Variants in G3BP1 observed in about 807,000 individuals in gnomAD.
G3BP1 encodes the protein G3BP stress granule assembly factor 1.
In G3BP1, 35 loss-of-function variants were observed where a neutral mutation model predicts 58.6. The ratio of observed to expected loss-of-function variants is 0.60; its 90% CI spans 0.46 to 0.79. G3BP1 has a LOEUF of 0.79. G3BP1 is among the 30% of genes least tolerant of loss of function. The probability of loss-of-function intolerance (pLI) is 0.00; values close to 1 mark genes in which losing one functional copy is unlikely to be tolerated. For missense variants in G3BP1, 523 were observed against 580.8 expected (o/e 0.90, Z 1.02); for synonymous variants, 191 against 195.4 (o/e 0.98, Z 0.19).
intron 5 of G3BP1, 61 bp downstream of exon 5, chr5:151,794,310 C>A (rs527971481): frequency 1.4e-4 from 122 of 855,388 alleles, no homozygotes; most frequent in Non-Finnish European, 2.4e-4. Flanking sequence ...TCCGATTGCC[C>A]TTAAGAGACT....
Position 151,805,083 on chromosome 5 carries a change from C to T in G3BP1, c.*992C>T, listed in dbSNP as rs1036686855. The T allele has an allele frequency of 1.6e-4, 25 of 152,568 alleles. No homozygotes were observed. The highest frequency in any genetic ancestry group is 4.3e-4 in the African/African-American group (18 of 41,432). The allele number at this position is 152,568 out of a possible 1,614,324, so 9.5% of individuals were successfully genotyped here. On this transcript the variant is annotated 3_prime_UTR_variant, in exon 12 of 12. Transcript: ENST00000356245. ...ACTGGAATGCCTTTGAAGACAGATG[C>T]TTCTATAGAGGTTCTTTGACCTAAA...
At position 151,810,301 on chromosome 5, in the gene G3BP1, C is replaced by T. The variant is rs1176359694; in HGVS notation, c.*6210C>T. 1.3e-5 allele frequency: 2 copies of T among 152,226 alleles called. No homozygotes were observed. Among genetic ancestry groups the T allele is most frequent in the Non-Finnish European group, 2.9e-5 (2 of 68,056 alleles). The allele number at this position is 152,226 out of a possible 1,614,324, so 9.4% of individuals were successfully genotyped here. A position where few individuals can be genotyped will look rare whatever the true frequency, so the allele number is the denominator to read the frequency against. On this transcript the variant is annotated 3_prime_UTR_variant, in exon 12 of 12. Coordinates refer to ENST00000356245, the MANE Select transcript of G3BP1 (RefSeq NM_005754.3). ...GAAGGTCCACTGAGATCTACAATCC[C>T]CCCTTTCCTCTGATCTCTTGCCATG...
At chr5:151,781,552 G>A (rs1762471275) in intron 1 of G3BP1, among the ~76,000 whole-genome samples, 1 of 152,158 alleles carries the variant, frequency 6.6e-6, no homozygotes, top group Non-Finnish European at 1.5e-5. Context: ...GGACCCATAC[G>A]AAATATCACT....
chr5:151,799,301 A>G lies in G3BP1; in HGVS notation c.831A>G (p.Val277=). The G allele has an allele frequency of 1.9e-6, 3 of 1,541,492 alleles. No homozygotes were observed. The highest frequency in any genetic ancestry group is 1.8e-6 in the Non-Finnish European group (2 of 1,113,900). ...GGATACCACCTCATGTTGTTAAAGT[A>G]CCAGCTTCACAGGTAAGGTCCTAAT... is the stretch of plus-strand genomic sequence containing the variant. ...VTGIPPHVVK[V]PASQPRPESK... Residue 277 remains valine, a synonymous_variant, in exon 8 of 12, where the codon GTA becomes GTG. Transcript: ENST00000356245.
chr5:151,774,725 A>G (rs1263269522), intron 1 of G3BP1, among the ~76,000 whole-genome samples: 3 of 151,728 alleles, frequency 2.0e-5, no homozygotes, highest in African/African-American at 7.3e-5. Context: ...TCAAAAAAAA[A>G]AAGGAAAGCC....
At chr5:151,775,243 C>T (rs1200121534) in intron 1 of G3BP1, among the ~76,000 whole-genome samples, 2 of 152,178 alleles carry the variant, frequency 1.3e-5, no homozygotes, top group South Asian at 4.1e-4. Context: ...AGATGATTGA[C>T]AGAAATTTGG....
chr5:151,786,348 T>TA lies in G3BP1; in HGVS notation c.-49-223dup, dbSNP rs560158445. Among the ~76,000 whole-genome samples, 11 of 152,324 alleles carry TA rather than the reference T, an allele frequency of 7.2e-5. No individual in the cohort carries two copies. The East Asian group carries it at 2.1e-3, about 29-fold the overall frequency. On this transcript the variant is annotated intron_variant, in intron 1 of 11. Coordinates refer to ENST00000356245, the MANE Select transcript of G3BP1 (RefSeq NM_005754.3). ...TGGAAATATATACCTTTGAGGTTCT[T>TA]ACGTCTTGAATATTGGGGATAATGA...
intron 2 of G3BP1, among the ~76,000 whole-genome samples, chr5:151,790,110 C>CAA (rs759799755): frequency 3.5e-4 from 20 of 57,122 alleles, no homozygotes; most frequent in African/African-American, 1.1e-3. Flanking sequence ...TCAGCAAGAG[C>CAA]AAAAAAAAAA....
At chr5:151,793,117 C>CTT (rs536257095) in intron 4 of G3BP1, among the ~76,000 whole-genome samples, 1 of 149,510 alleles carries the variant, frequency 6.7e-6, no homozygotes, top group Non-Finnish European at 1.5e-5. Flanking sequence ...ATATGATTGC[C>CTT]TTTTTTTTTG....
rs140416059 is a variant in G3BP1 at position 151,795,003 on chromosome 5, C to T, written c.443-476C>T. On this transcript the variant is annotated intron_variant, in intron 5 of 11. Transcript: ENST00000356245. ...CTTAAAGTCTATCCTTAAGGCTGGG[C>T]GCGGTGGCTCACGCCTGTAATTCCA... is the stretch of plus-strand genomic sequence containing the variant. 1.4e-3 allele frequency among the ~76,000 whole-genome samples: 218 copies of T among 152,310 alleles called. 4 individuals are homozygous for T. In the East Asian group the frequency reaches 0.015, roughly 11 times the overall value.
chr5:151,793,889 C>T (rs1762703258), intron 4 of G3BP1, among the ~76,000 whole-genome samples: 1 of 151,600 alleles, frequency 6.6e-6, no homozygotes. Flanking sequence ...TGGCGCGCCC[C>T]TGTAGTTCTA....
At position 151,790,937 on chromosome 5, in the gene G3BP1, A is replaced by C. The variant is rs755024363; in HGVS notation, c.226A>C (p.Lys76Gln). ...MSQNFTNCHT[K>Q]IRHVDAHATL... ...ACAAAACTTCACCAACTGCCACACC[A>C]AGATTCGCCATGTTGATGCTCATGC... The change falls in exon 4 of 12, where the codon AAG becomes CAG. Residue 76 changes from lysine to glutamine, a missense_variant. Physicochemically the swap from Lys to Gln is moderately conservative, Grantham distance 53 (BLOSUM62 1). Coordinates refer to ENST00000356245, the MANE Select transcript of G3BP1 (RefSeq NM_005754.3). The C allele has an allele frequency of 7.5e-6, 12 of 1,610,686 alleles. No homozygotes were observed. The highest frequency in any genetic ancestry group is 2.5e-6 in the Non-Finnish European group (3 of 1,178,298).
intron 6 of G3BP1, among the ~76,000 whole-genome samples, chr5:151,796,232 G>A (rs1762746289): frequency 6.6e-6 from 1 of 152,116 alleles, no homozygotes; most frequent in Non-Finnish European, 1.5e-5. Flanking sequence ...CAAACCTACC[G>A]AATTAGACTT....
At chr5:151,793,846 A>G (rs1057034369) in intron 4 of G3BP1, among the ~76,000 whole-genome samples, 12 of 151,656 alleles carry the variant, frequency 7.9e-5, no homozygotes, top group African/African-American at 2.2e-4. Flanking sequence ...AAAAAAAAAA[A>G]AAAAAGAAAA....
chr5:151,798,211 A>G (rs1372201820), intron 7 of G3BP1, among the ~76,000 whole-genome samples: 2 of 152,216 alleles, frequency 1.3e-5, no homozygotes, highest in Non-Finnish European at 2.9e-5. Context: ...TTAGCTGGGC[A>G]TGGTGGTGCC....
At chr5:151,802,603 C>CCTACTTTACCTTT (rs1346873366) in intron 11 of G3BP1, among the ~76,000 whole-genome samples, 1 of 152,166 alleles carries the variant, frequency 6.6e-6, no homozygotes, top group African/African-American at 2.4e-5. Context: ...TAGGTATCTA[C>CCTACTTTACCTTT]CATCAGAGGG....
At chr5:151,773,813 G>A (rs1762319385) in intron 1 of G3BP1, among the ~76,000 whole-genome samples, 1 of 152,170 alleles carries the variant, frequency 6.6e-6, no homozygotes, top group Non-Finnish European at 1.5e-5. Flanking sequence ...AGCAATTTAA[G>A]TTGTCAAATG....
chr5:151,781,706 AGC>A (rs1762474576), intron 1 of G3BP1, among the ~76,000 whole-genome samples: 1 of 152,258 alleles, frequency 6.6e-6, no homozygotes. Context: ...TTAAACAGAC[AGC>A]ATAAACATAT....
Position 151,806,864 on chromosome 5 carries a change from C to T in G3BP1, c.*2773C>T, listed in dbSNP as rs1452963818. On this transcript the variant is annotated 3_prime_UTR_variant, in exon 12 of 12. Transcript: ENST00000356245. ...GTCAGGCTGGTCTCAAGCTCCTGGC[C>T]TCATCAGTTCTCCTGCCTTCCAAGT... 1 of 152,096 alleles carries T rather than the reference C, an allele frequency of 6.6e-6. No homozygotes were observed. The highest frequency in any genetic ancestry group is 1.5e-5 in the Non-Finnish European group (1 of 68,026). 9.4% of individuals were successfully genotyped at this position (152,096 alleles called of 1,614,324 possible). A position where few individuals can be genotyped will look rare whatever the true frequency, so the allele number is the denominator to read the frequency against.
Sources: gnomAD v4.1 joint callset for allele counts (sites outside exome capture counted in the v4.1 genomes callset) on GRCh38, gnomAD v4.1.1 for gene constraint, MANE v1.5 for transcripts, NCBI Gene and HGNC (gene_info 2026-07-23, HGNC 2026-07-21) for gene names.